TRMT11: variants seen among roughly 807,000 people sequenced by gnomAD.
TRMT11 encodes the protein tRNA methyltransferase 11, also known as tRNA (guanine(10)-N(2))-methyltransferase TRMT11.
TRMT11 carries 53 observed loss-of-function variants against 62.8 expected under a neutral mutation model. The observed-to-expected ratio is 0.84, with a 90% CI of 0.68 to 1.06. TRMT11 has a LOEUF of 1.06. Among genes scored for constraint, TRMT11 ranks in the 50% least tolerant of loss-of-function variants. The pLI, the probability that TRMT11 is intolerant of heterozygous loss-of-function variation, is 0.00. For synonymous variants in TRMT11, 188 were observed against 190.3 expected, an observed-to-expected ratio of 0.99 and a Z score of 0.10; for missense variants, 556 against 553.4, an observed-to-expected ratio of 1.00 and a Z score of -0.05.
chr6:126,090,560 A>G (rs915365478), intron 17 of TRMT11, among the ~76,000 whole-genome samples: 8 of 152,206 alleles, frequency 5.3e-5, no homozygotes, highest in African/African-American at 1.9e-4. Context: ...TTACAGTGCC[A>G]TTGGTAGCAG....
chr6:126,240,060 A>C, the TRMT11 span, among the ~76,000 whole-genome samples: 1 of 152,122 alleles, frequency 6.6e-6, no homozygotes, highest in African/African-American at 2.4e-5. Flanking sequence ...CAGCTCCATC[A>C]GGTCCTTTAA....
downstream of TRMT11, among the ~76,000 whole-genome samples, chr6:126,207,683 G>A (rs536841403): frequency 5.3e-5 from 8 of 152,316 alleles, no homozygotes; most frequent in South Asian, 1.7e-3. Context: ...TAGTTAGGGT[G>A]TATAAAGTCA....
chr6:126,101,767 A>G (rs1777404534), intron 17 of TRMT11, among the ~76,000 whole-genome samples: 1 of 152,238 alleles, frequency 6.6e-6, no homozygotes, highest in African/African-American at 2.4e-5. Flanking sequence ...GCCATTCTTC[A>G]TGCTCTTCTG....
At chr6:126,017,989 C>T (rs189699415) in intron 11 of TRMT11, among the ~76,000 whole-genome samples, 9 of 152,260 alleles carry the variant, frequency 5.9e-5, no homozygotes, top group Admixed American at 1.3e-4. Context: ...TCATTGTACA[C>T]AGATAACTCT....
the TRMT11 span, among the ~76,000 whole-genome samples, chr6:126,217,509 G>T: frequency 2.0e-5 from 3 of 152,184 alleles, no homozygotes; most frequent in Non-Finnish European, 4.4e-5. Flanking sequence ...ATACCACCGG[G>T]ATGGTCTTGG....
chr6:125,994,966 T>C (rs970923581), intron 2 of TRMT11, among the ~76,000 whole-genome samples: 1 of 152,090 alleles, frequency 6.6e-6, no homozygotes, highest in Non-Finnish European at 1.5e-5. Context: ...CAACACACAC[T>C]GGAGCCTGTT....
chr6:126,197,830 T>G (rs565824596), intron 1 of TRMT11, among the ~76,000 whole-genome samples: 2 of 152,254 alleles, frequency 1.3e-5, no homozygotes, highest in East Asian at 3.9e-4. Flanking sequence ...ACAATCCTGA[T>G]CCCCAGCTGC....
chr6:126,030,006 G>T (rs1210515508), intron 12 of TRMT11, among the ~76,000 whole-genome samples: 1 of 152,062 alleles, frequency 6.6e-6, no homozygotes, highest in Non-Finnish European at 1.5e-5. Context: ...TACTTTCATA[G>T]ATTTTAGGTA....
chr6:126,016,764 C>G (rs1267901735), intron 11 of TRMT11, among the ~76,000 whole-genome samples: 2 of 150,702 alleles, frequency 1.3e-5, no homozygotes, highest in Non-Finnish European at 3.0e-5. Flanking sequence ...ACGTGTCTAA[C>G]ACATGTGGGA....
chr6:126,108,897 C>T (rs1239419493), intron 17 of TRMT11, among the ~76,000 whole-genome samples: 1 of 152,096 alleles, frequency 6.6e-6, no homozygotes, highest in Non-Finnish European at 1.5e-5. Flanking sequence ...AAAGGACACT[C>T]TTCTACTATA....
chr6:126,002,789 A>G (rs908717332), intron 7 of TRMT11, among the ~76,000 whole-genome samples: 2 of 152,114 alleles, frequency 1.3e-5, no homozygotes, highest in Non-Finnish European at 2.9e-5. Flanking sequence ...ATCCTAGGTG[A>G]CTAACTTCAT....
chr6:126,001,023 C>T (rs1792383898), intron 7 of TRMT11, among the ~76,000 whole-genome samples: 1 of 152,120 alleles, frequency 6.6e-6, no homozygotes, highest in Non-Finnish European at 1.5e-5. Flanking sequence ...TTTCTATTTA[C>T]ATAATCTTTT....
chr6:126,058,102 C>G (rs961146131), intron 17 of TRMT11, among the ~76,000 whole-genome samples: 2 of 152,148 alleles, frequency 1.3e-5, no homozygotes, highest in Non-Finnish European at 2.9e-5. Flanking sequence ...CTATCCCACT[C>G]CTAGCCCCCC....
intron 11 of TRMT11, among the ~76,000 whole-genome samples, chr6:126,014,539 G>A (rs927762026): frequency 3.3e-5 from 5 of 152,276 alleles, no homozygotes; most frequent in East Asian, 1.9e-4. Flanking sequence ...GTGAGCCACC[G>A]TGTCCGGCCA....
At chr6:126,057,681 C>T (rs7753321) in intron 17 of TRMT11, among the ~76,000 whole-genome samples, 5,427 of 152,236 alleles carry the variant, frequency 0.036, 325 homozygotes, top group African/African-American at 0.12. Flanking sequence ...TCTGCCTAGG[C>T]GGTAATTAGT....
At chr6:126,148,051 A>T (rs1777994397) in intron 21 of TRMT11, among the ~76,000 whole-genome samples, 1 of 151,790 alleles carries the variant, frequency 6.6e-6, no homozygotes, top group Non-Finnish European at 1.5e-5. Flanking sequence ...TATAATAATT[A>T]AAAAAAAATT....
intron 17 of TRMT11, among the ~76,000 whole-genome samples, chr6:126,077,007 G>A (rs1407604578): frequency 6.6e-6 from 1 of 152,128 alleles, no homozygotes; most frequent in Non-Finnish European, 1.5e-5. Context: ...GTTTTCTCTG[G>A]CCATGGCAGC....
intron 12 of TRMT11, among the ~76,000 whole-genome samples, chr6:126,029,573 A>C (rs1156866161): frequency 1.3e-5 from 2 of 152,168 alleles, no homozygotes; most frequent in Admixed American, 1.3e-4. Flanking sequence ...GGATTATGGA[A>C]ATTTAAAAAA....
intron 21 of TRMT11, among the ~76,000 whole-genome samples, chr6:126,155,255 T>A (rs1314658503): frequency 1.3e-5 from 2 of 152,022 alleles, no homozygotes; most frequent in Admixed American, 6.6e-5. Flanking sequence ...CCACACACTT[T>A]CAAAGAACTC....
Sources: allele counts gnomAD v4.1 joint callset (sites outside exome capture counted in the v4.1 genomes callset), GRCh38; gene constraint gnomAD v4.1.1; transcripts MANE v1.5; gene names NCBI Gene and HGNC (gene_info 2026-07-23, HGNC 2026-07-21).